The following GRID2 variants were observed in gnomAD, a reference collection of about 807,000 sequenced individuals.
The protein encoded by GRID2 is glutamate ionotropic receptor delta type subunit 2.
GRID2 carries 33 observed loss-of-function variants against 114.8 expected under a neutral mutation model. The ratio of observed to expected loss-of-function variants is 0.29; its 90% confidence interval spans 0.22 to 0.38. GRID2 has a LOEUF of 0.38. Among genes scored for constraint, GRID2 ranks in the 10% least tolerant of loss-of-function variants. The pLI, the probability that GRID2 is intolerant of heterozygous loss-of-function variation, is 1.00. For synonymous variants in GRID2, 505 were observed against 449.9 expected, an observed-to-expected ratio of 1.12 and a Z score of -1.55; for missense variants, 1,184 against 1,257.7, an observed-to-expected ratio of 0.94 and a Z score of 0.89.
chr4:92,851,602 A>G (rs1344480584), intron 2 of GRID2, among the ~76,000 whole-genome samples: 3 of 152,010 alleles, frequency 2.0e-5, no homozygotes, highest in African/African-American at 7.2e-5. Flanking sequence ...AACATGCAAA[A>G]GAGGCATATC....
chr4:93,518,987 G>C (rs1227321365), intron 13 of GRID2, among the ~76,000 whole-genome samples: 1 of 152,156 alleles, frequency 6.6e-6, no homozygotes, highest in African/African-American at 2.4e-5. Flanking sequence ...GCAATGCAAA[G>C]TATGGTCCTG....
intron 8 of GRID2, among the ~76,000 whole-genome samples, chr4:93,251,027 A>G (rs1748858101): frequency 1.3e-5 from 2 of 152,086 alleles, no homozygotes; most frequent in African/African-American, 4.8e-5. Flanking sequence ...ACCTGATGGC[A>G]AATATTTCTG....
intron 2 of GRID2, among the ~76,000 whole-genome samples, chr4:92,643,650 A>G (rs537592166): frequency 1.3e-5 from 2 of 151,930 alleles, no homozygotes; most frequent in East Asian, 3.9e-4. Flanking sequence ...AAATTTCTAT[A>G]TACTGGGTCT....
At chr4:92,595,749 A>G (rs1057021001) in intron 2 of GRID2, among the ~76,000 whole-genome samples, 1 of 152,090 alleles carries the variant, frequency 6.6e-6, no homozygotes, top group Non-Finnish European at 1.5e-5. Flanking sequence ...ATGTGTGTAA[A>G]TGGGATGACA....
rs532926606 is a variant in GRID2 at position 92,337,948 on chromosome 4, G to A, written c.88+33204G>A. ...TATTCTTTGGCCATGAACTGCCTGC[G>A]TGTGTGCATATGTGTGTGTCTGTGT... On this transcript the variant is annotated intron_variant, in intron 1 of 15. Transcript: ENST00000282020. 1.2e-4 allele frequency among the ~76,000 whole-genome samples: 19 copies of A among 152,228 alleles called. No individual in the cohort carries two copies. The South Asian group carries it at 2.1e-3, about 17-fold the overall frequency.
At chr4:93,488,551 G>A (rs1230204170) in intron 11 of GRID2, among the ~76,000 whole-genome samples, 1 of 151,880 alleles carries the variant, frequency 6.6e-6, no homozygotes, top group Admixed American at 6.6e-5. Context: ...CATGAAAGTA[G>A]TATTGTATCT....
At position 92,873,839 on chromosome 4, in the gene GRID2, C is replaced by T. The variant is rs140799109; in HGVS notation, c.245-211156C>T. 1.7e-3 allele frequency among the ~76,000 whole-genome samples: 264 copies of T among 152,132 alleles called. 2 individuals carry two copies. The highest frequency in any genetic ancestry group is 6.2e-3 in the African/African-American group (257 of 41,506). ...AAGCAATTCTCCTGCCTCAGCTACC[C>T]GAGTAGCTGAGATTACAGGCATGTG... On this transcript the variant is annotated intron_variant, in intron 2 of 15. Coordinates refer to ENST00000282020, the MANE Select transcript of GRID2 (RefSeq NM_001510.4).
chr4:92,612,253 G>A (rs1425517258), intron 2 of GRID2, among the ~76,000 whole-genome samples: 1 of 151,372 alleles, frequency 6.6e-6, no homozygotes, highest in Non-Finnish European at 1.5e-5. Context: ...TGGCACTTTT[G>A]TTGATAGTAT....
chr4:92,980,711 TATATC>T (rs1158297353), intron 2 of GRID2, among the ~76,000 whole-genome samples: 1 of 152,088 alleles, frequency 6.6e-6, no homozygotes, highest in African/African-American at 2.4e-5. Context: ...TCATATATAT[TATATC>T]AATGATATAA....
chr4:93,600,690 T>A (rs1047957680), intron 13 of GRID2, among the ~76,000 whole-genome samples: 1 of 152,204 alleles, frequency 6.6e-6, no homozygotes, highest in East Asian at 1.9e-4. Flanking sequence ...ATATAGCCTA[T>A]GACTTAGCAG....
chr4:93,500,799 T>A (rs1438553867), intron 12 of GRID2, among the ~76,000 whole-genome samples: 2 of 151,950 alleles, frequency 1.3e-5, no homozygotes, highest in African/African-American at 4.8e-5. Context: ...TGGGTCAGGA[T>A]ATATATTTGC....
intron 8 of GRID2, among the ~76,000 whole-genome samples, chr4:93,280,116 G>C (rs1185481924): frequency 6.6e-6 from 1 of 151,910 alleles, no homozygotes; most frequent in Admixed American, 6.6e-5. Flanking sequence ...TGGTATCTGT[G>C]ATAGGATTTT....
intron 1 of GRID2, among the ~76,000 whole-genome samples, chr4:92,414,099 G>C (rs1370493452): frequency 1.3e-5 from 2 of 151,966 alleles, no homozygotes; most frequent in Non-Finnish European, 2.9e-5. Context: ...TAAAGTCTTG[G>C]CATCATAAGT....
At chr4:93,441,020 T>A (rs559076307) in intron 10 of GRID2, among the ~76,000 whole-genome samples, 3 of 152,086 alleles carry the variant, frequency 2.0e-5, no homozygotes, top group African/African-American at 7.2e-5. Flanking sequence ...CAAACAAAAC[T>A]TCAGTAAAAT....
At chr4:93,432,897 T>TA (rs548593866) in intron 10 of GRID2, among the ~76,000 whole-genome samples, 181 of 152,004 alleles carry the variant, frequency 1.2e-3, no homozygotes, top group African/African-American at 4.0e-3. Flanking sequence ...CCTCCACCTC[T>TA]AAAAAAATAA....
intron 1 of GRID2, among the ~76,000 whole-genome samples, chr4:92,515,621 G>A (rs35336602): frequency 0.059 from 8,906 of 151,838 alleles, 287 homozygotes; most frequent in East Asian, 0.084. Context: ...GATAACTTTC[G>A]AAAGTTTTAT....
chr4:93,634,136 T>C (rs1046177549), intron 14 of GRID2, among the ~76,000 whole-genome samples: 1 of 152,124 alleles, frequency 6.6e-6, no homozygotes, highest in African/African-American at 2.4e-5. Context: ...TATCAAAGTA[T>C]ACATTAAACT....
intron 1 of GRID2, among the ~76,000 whole-genome samples, chr4:92,553,449 A>G (rs182650775): frequency 6.6e-6 from 1 of 152,228 alleles, no homozygotes; most frequent in Admixed American, 6.5e-5. Flanking sequence ...GGAGAATGTC[A>G]TTTATGACTC....
chr4:93,508,151 GTATAA>G (rs961944073), intron 12 of GRID2, among the ~76,000 whole-genome samples: 9 of 150,942 alleles, frequency 6.0e-5, no homozygotes, highest in African/African-American at 2.2e-4. Flanking sequence ...AAAACTTAAA[GTATAA>G]TATAATAAAA....
Sources: allele counts gnomAD v4.1 joint callset (sites outside exome capture counted in the v4.1 genomes callset), GRCh38; gene constraint gnomAD v4.1.1; transcripts MANE v1.5; gene names NCBI Gene and HGNC (gene_info 2026-07-23, HGNC 2026-07-21).